The following PIK3CD variants were observed in gnomAD, a reference collection of about 807,000 sequenced individuals.
PIK3CD encodes the protein phosphatidylinositol-4,5-bisphosphate 3-kinase catalytic subunit delta.
In PIK3CD, 20 loss-of-function variants were observed where a neutral mutation model predicts 122.9. That is an observed-to-expected ratio of 0.16 (90% confidence interval 0.11 to 0.24). PIK3CD has a LOEUF of 0.24. PIK3CD is among the 10% of genes least tolerant of loss of function. The probability of loss-of-function intolerance (pLI) is 1.00; values close to 1 mark genes in which losing one functional copy is unlikely to be tolerated. For missense variants in PIK3CD, 787 were observed against 1,406.3 expected (o/e 0.56, Z 7.04); for synonymous variants, 596 against 593.4 (o/e 1.00, Z -0.06).
chr1:9,718,275 T>G lies in PIK3CD; in HGVS notation c.1021-419T>G. Reference sequence around the variant, plus strand: ...ATCAGAGGGACTTCCAGGGTGGTGGTGTCAGGTGGAATTGGAAGGGGCCGG... The same window carrying G: ...ATCAGAGGGACTTCCAGGGTGGTGGGGTCAGGTGGAATTGGAAGGGGCCGG... On this transcript the variant is annotated intron_variant, in intron 8 of 23. Transcript: ENST00000377346. This position sits in a 1 kb window ranked among gnomAD's most constrained non-coding sequence, Gnocchi z 7.2. 2.2e-6 allele frequency: 1 copy of G among 463,224 alleles called. No homozygotes were observed. Among genetic ancestry groups the G allele is most frequent in the Admixed American group, 2.4e-5 (1 of 41,894 alleles). The allele number at this position is 463,224 out of a possible 1,614,324, so 28.7% of individuals were successfully genotyped here.
the PIK3CD span, among the ~76,000 whole-genome samples, chr1:9,638,063 C>T: frequency 4.6e-5 from 7 of 151,702 alleles, no homozygotes; most frequent in Admixed American, 2.6e-4. Context: ...GTTGAGACTG[C>T]GCCATTGTAC....
chr1:9,634,717 T>C, the PIK3CD span, among the ~76,000 whole-genome samples: 5 of 152,228 alleles, frequency 3.3e-5, no homozygotes, highest in African/African-American at 1.2e-4. Context: ...GAAAACCTCA[T>C]TGCCCCTCAC....
chr1:9,726,293 G>A (rs1649573973), intron 23 of PIK3CD, among the ~76,000 whole-genome samples: 1 of 152,110 alleles, frequency 6.6e-6, no homozygotes, highest in South Asian at 2.1e-4. Flanking sequence ...TGAATCATGA[G>A]GTCAGGAGAT....
At chr1:9,638,830 C>A in the PIK3CD span, among the ~76,000 whole-genome samples, 1 of 140,844 alleles carries the variant, frequency 7.1e-6, no homozygotes, top group Non-Finnish European at 1.5e-5. Context: ...GGCTGGAGTG[C>A]CTTGGTGTGA....
At position 9,723,996 on chromosome 1, in the gene PIK3CD, G is replaced by A. The variant is rs1233193458; in HGVS notation, c.2622G>A (p.Glu874=). Residue 874 remains glutamate, a synonymous_variant, in exon 21 of 24, where the codon GAG becomes GAA. Transcript: ENST00000377346. The surrounding 1 kb of genome is among the most constrained non-coding windows in gnomAD (Gnocchi z 4.9). ...PGEALDRAIE[E]FTLSCAGYCV... Reference sequence around the variant, plus strand: ...AGGCCCTGGATCGAGCCATTGAGGAGTTCACCCTCTCCTGTGCTGGCTATT... The same window carrying A: ...AGGCCCTGGATCGAGCCATTGAGGAATTCACCCTCTCCTGTGCTGGCTATT... 1 of 1,614,072 alleles carries A rather than the reference G, an allele frequency of 6.2e-7. No individual in the cohort carries two copies. Among genetic ancestry groups the A allele is most frequent in the Non-Finnish European group, 8.5e-7 (1 of 1,180,044 alleles).
At chr1:9,678,296 C>G (rs1645617529) in intron 1 of PIK3CD, among the ~76,000 whole-genome samples, 1 of 151,782 alleles carries the variant, frequency 6.6e-6, no homozygotes, top group Non-Finnish European at 1.5e-5. Flanking sequence ...CAAAAAACAG[C>G]AACACAAAAA....
chr1:9,628,139 C>G, the PIK3CD span, among the ~76,000 whole-genome samples: 2 of 152,002 alleles, frequency 1.3e-5, no homozygotes, highest in South Asian at 2.1e-4. Context: ...CCTGTCTCTA[C>G]GAAAATACAA....
the PIK3CD span, among the ~76,000 whole-genome samples, chr1:9,637,084 A>C: frequency 6.6e-6 from 1 of 151,946 alleles, no homozygotes; most frequent in Non-Finnish European, 1.5e-5. Flanking sequence ...TTTTTAGTAG[A>C]GATGGGGTTT....
intron 13 of PIK3CD, 30 bp from the exon 14 acceptor site, chr1:9,721,097 G>T: frequency 6.3e-7 from 1 of 1,584,816 alleles, no homozygotes. Flanking sequence ...GACCCCGGCC[G>T]CCCCCAAGCC....
chr1:9,633,748 G>A, the PIK3CD span, among the ~76,000 whole-genome samples: 1 of 152,180 alleles, frequency 6.6e-6, no homozygotes, highest in East Asian at 1.9e-4. Flanking sequence ...GGAAATCATC[G>A]TCTGGCTTGG....
In PIK3CD at chr1:9,700,093, C is replaced by T. The variant is rs1206951848; in HGVS notation, c.-33+8522C>T. Among the ~76,000 whole-genome samples the T allele has an allele frequency of 6.6e-6, 1 of 152,144 alleles. No individual in the cohort carries two copies. The highest frequency in any genetic ancestry group is 2.4e-5 in the African/African-American group (1 of 41,434). ...TTACTACCTGAAGCATCTTGTTTATCTATTTGTTTTCTTTTTAACTTTGTA... is the reference window on the plus strand; with the variant it reads ...TTACTACCTGAAGCATCTTGTTTATTTATTTGTTTTCTTTTTAACTTTGTA... On this transcript the variant is annotated intron_variant, in intron 2 of 23. Coordinates refer to ENST00000377346, the MANE Select transcript of PIK3CD (RefSeq NM_005026.5). This position sits in a 1 kb window ranked among gnomAD's most constrained non-coding sequence, Gnocchi z 5.1.
In PIK3CD at chr1:9,721,427, G is replaced by A. The variant is rs201032317; in HGVS notation, c.1812-17G>A. ...GAGTCGGGGAGCTCCAGGCCCCAGC[G>A]CCTTCCTTCCCTGCAGGGACGATGA... On this transcript the variant is annotated splice_polypyrimidine_tract_variant and intron_variant, in intron 14 of 23. Transcript: ENST00000377346. 310 of 1,612,842 alleles carry A rather than the reference G, an allele frequency of 1.9e-4. No individual in the cohort carries two copies. The African/African-American group carries it at 2.3e-3, about 12-fold the overall frequency.
At position 9,720,990 on chromosome 1, in the gene PIK3CD, C is replaced by A; in HGVS notation, c.1689+81C>A. The A allele has an allele frequency of 1.4e-6, 2 of 1,467,978 alleles. No individual in the cohort carries two copies. The highest frequency in any genetic ancestry group is 9.2e-7 in the Non-Finnish European group (1 of 1,081,728). 90.9% of individuals were successfully genotyped at this position (1,467,978 alleles called of 1,614,324 possible). A position where few individuals can be genotyped will look rare whatever the true frequency, so the allele number is the denominator to read the frequency against. On this transcript the variant is annotated intron_variant, in intron 13 of 23. Coordinates refer to ENST00000377346, the MANE Select transcript of PIK3CD (RefSeq NM_005026.5). This position sits in a 1 kb window ranked among gnomAD's most constrained non-coding sequence, Gnocchi z 9.0. Reference sequence around the variant, plus strand: ...TACCCACCACCCTGACCCCGGCCAACCCCCACCCTCACCCTGGCCAACCTT... The same window carrying A: ...TACCCACCACCCTGACCCCGGCCAAACCCCACCCTCACCCTGGCCAACCTT...
chr1:9,721,889 AG>A (rs773799603), intron 16 of PIK3CD, 29 bp downstream of exon 16: 1 of 1,611,648 alleles, frequency 6.2e-7, no homozygotes, highest in Non-Finnish European at 8.5e-7. Flanking sequence ...GGGGGCGGGC[AG>A]GGGGCGGCCC....
intron 1 of PIK3CD, among the ~76,000 whole-genome samples, chr1:9,676,275 A>G (rs1645534041): frequency 6.6e-6 from 1 of 151,726 alleles, no homozygotes; most frequent in South Asian, 2.1e-4. Flanking sequence ...GGGTCTTGCT[A>G]AGTTGCCCAG....
intron 1 of PIK3CD, among the ~76,000 whole-genome samples, chr1:9,673,568 A>G (rs1235496139): frequency 2.0e-5 from 3 of 151,822 alleles, no homozygotes; most frequent in Non-Finnish European, 2.9e-5. Flanking sequence ...GCCTTGGCTA[A>G]TTTTTTTGAT....
the PIK3CD span, among the ~76,000 whole-genome samples, chr1:9,634,413 C>T: frequency 1.3e-5 from 2 of 152,082 alleles, no homozygotes; most frequent in African/African-American, 2.4e-5. Flanking sequence ...CCACCAGCCT[C>T]GCCCTCCCAA....
the PIK3CD span, among the ~76,000 whole-genome samples, chr1:9,634,813 T>C: frequency 6.6e-6 from 1 of 152,350 alleles, no homozygotes; most frequent in South Asian, 2.1e-4. Flanking sequence ...ATGTGTATTA[T>C]TTGGGATTTT....
chr1:9,696,420 C>G (rs933867921), intron 2 of PIK3CD, among the ~76,000 whole-genome samples: 1 of 151,712 alleles, frequency 6.6e-6, no homozygotes, highest in African/African-American at 2.4e-5. Context: ...GACCCCATCT[C>G]TACAAGAAAT....
Sources: gnomAD v4.1 joint callset for allele counts (sites outside exome capture counted in the v4.1 genomes callset) on GRCh38, gnomAD v4.1.1 for gene constraint, Gnocchi (gnomAD v3.1) non-coding constraint, MANE v1.5 for transcripts, NCBI Gene and HGNC (gene_info 2026-07-23, HGNC 2026-07-21) for gene names.